The following UBR4 variants were observed in gnomAD, a reference collection of about 807,000 sequenced individuals.
UBR4 encodes the protein E3 ubiquitin-protein ligase UBR4.
Under a neutral mutation model 575.6 loss-of-function variants are expected in UBR4, and 124 were observed. That is an observed-to-expected ratio of 0.22 (90% CI 0.19 to 0.25). The LOEUF is 0.25. Among genes scored for constraint, UBR4 ranks in the 10% least tolerant of loss-of-function variants. The pLI, the probability that UBR4 is intolerant of heterozygous loss-of-function variation, is 1.00. For missense variants in UBR4, 4,818 were observed against 6,478.8 expected, an observed-to-expected ratio of 0.74 and a Z score of 8.80; for synonymous variants, 2,455 against 2,473.7, an observed-to-expected ratio of 0.99 and a Z score of 0.22.
intron 11 of UBR4, among the ~76,000 whole-genome samples, chr1:19,187,815 C>A (rs556738569): frequency 6.6e-6 from 1 of 152,232 alleles, no homozygotes; most frequent in South Asian, 2.1e-4. Context: ...TAAATCCCAA[C>A]ACTTTTGAGA....
chr1:19,084,083 G>A (rs1401987832), intron 102 of UBR4, among the ~76,000 whole-genome samples: 1 of 152,186 alleles, frequency 6.6e-6, no homozygotes, highest in African/African-American at 2.4e-5. Context: ...ACCATCACCT[G>A]TAACAATCTA....
At position 19,081,564 on chromosome 1, in the gene UBR4, T is replaced by C; in HGVS notation, c.15018A>G (p.Ala5006=). Residue 5006 remains alanine (A), a synonymous_variant, in exon 103 of 106, where the codon GCA becomes GCG. Transcript: ENST00000375254. ...GGAGGTTCTTCTCTTCTCGGGAAGT[T>C]GCTCGGGTTCTAGAAGAAAAGCGGC... ...TVLYVLNTTR[A]TSREEKNLQG... is the part of the protein sequence containing the mutation. 6.2e-7 allele frequency: 1 copy of C among 1,613,996 alleles called. No homozygotes were observed. Among genetic ancestry groups the C allele is most frequent in the Non-Finnish European group, 8.5e-7 (1 of 1,180,008 alleles).
chr1:19,186,086 A>G (rs959580826), intron 14 of UBR4, among the ~76,000 whole-genome samples: 2 of 152,202 alleles, frequency 1.3e-5, no homozygotes, highest in African/African-American at 4.8e-5. Context: ...CTCTCATCAA[A>G]CTAAGGCAGG....
intron 60 of UBR4, among the ~76,000 whole-genome samples, chr1:19,131,041 T>C (rs1022353901): frequency 3.3e-5 from 5 of 152,022 alleles, no homozygotes; most frequent in Non-Finnish European, 7.4e-5. Context: ...CCTGAGTAGC[T>C]GGTACCACTG....
chr1:19,107,507 G>T (rs1276312769), intron 81 of UBR4, among the ~76,000 whole-genome samples: 1 of 152,172 alleles, frequency 6.6e-6, no homozygotes, highest in African/African-American at 2.4e-5. Context: ...CTGGCCGGGC[G>T]CGGTGACTCA....
intron 60 of UBR4, among the ~76,000 whole-genome samples, chr1:19,130,139 C>A (rs2082263581): frequency 6.6e-6 from 1 of 151,984 alleles, no homozygotes; most frequent in African/African-American, 2.4e-5. Context: ...TTGGTTGAGC[C>A]CAGGAATTCA....
intron 70 of UBR4, among the ~76,000 whole-genome samples, chr1:19,119,323 T>A (rs919435382): frequency 1.3e-5 from 2 of 152,354 alleles, no homozygotes; most frequent in Admixed American, 1.3e-4. Context: ...AGTTCTATCT[T>A]CTTTCCCCAC....
Position 19,156,941 on chromosome 1 carries a change from G to C in UBR4, c.5761-16C>G. ...GAACGGTGATCTGCAAAGGAACAAT[G>C]ACTAATTTATTCCTACTCCTGGTCC... On this transcript the variant is annotated splice_polypyrimidine_tract_variant and intron_variant, in intron 40 of 105. Transcript: ENST00000375254. The C allele has an allele frequency of 6.2e-7, 1 of 1,610,120 alleles. No homozygotes were observed.
Position 19,134,512 on chromosome 1 carries a change from TAA to T in UBR4, c.8906+3493_8906+3494del, listed in dbSNP as rs761065775. Among the ~76,000 whole-genome samples, 6 of 152,246 alleles carry T rather than the reference TAA, an allele frequency of 3.9e-5. No individual in the cohort carries two copies. In the East Asian group the frequency reaches 5.8e-4, roughly 15 times the overall value. ...AAGTAATAATGAGCTCACTAGCAAT[TAA>T]AAAGTTACTGGCCAAAGATGTAAGC... On this transcript the variant is annotated intron_variant, in intron 60 of 105. Coordinates refer to ENST00000375254, the MANE Select transcript of UBR4 (RefSeq NM_020765.3).
intron 60 of UBR4, among the ~76,000 whole-genome samples, chr1:19,133,172 A>G (rs1034353184): frequency 5.3e-5 from 8 of 152,234 alleles, no homozygotes; most frequent in African/African-American, 1.9e-4. Context: ...TTTTAAGCCT[A>G]AACTAAAAAT....
At chr1:19,077,370 C>CG (rs879656595) in intron 104 of UBR4, among the ~76,000 whole-genome samples, 4 of 152,206 alleles carry the variant, frequency 2.6e-5, no homozygotes, top group South Asian at 4.1e-4. Context: ...AAGAGAGACC[C>CG]GGCGGGGAAG....
At chr1:19,148,736 A>C in intron 49 of UBR4, 110 bp from the exon 50 acceptor site, 1 of 1,180,218 alleles carries the variant, frequency 8.5e-7, no homozygotes, top group Non-Finnish European at 1.2e-6. Flanking sequence ...ATGAATGCCA[A>C]ATACAAAATC....
chr1:19,180,729 C>T (rs1042043249), intron 17 of UBR4, among the ~76,000 whole-genome samples: 2 of 151,972 alleles, frequency 1.3e-5, no homozygotes, highest in African/African-American at 4.8e-5. Context: ...CATTTTTCAT[C>T]TTTGTGTCAG....
At chr1:19,209,241 A>G (rs2093178053) in intron 1 of UBR4, among the ~76,000 whole-genome samples, 1 of 152,240 alleles carries the variant, frequency 6.6e-6, no homozygotes. Context: ...TAGAAAAATG[A>G]AAGTCAGTCT....
At chr1:19,099,059 C>T (rs1432659762) in intron 90 of UBR4, among the ~76,000 whole-genome samples, 2 of 152,192 alleles carry the variant, frequency 1.3e-5, no homozygotes, top group Non-Finnish European at 1.5e-5. Flanking sequence ...AACAGCATCA[C>T]TCGTGGTGGC....
intron 34 of UBR4, among the ~76,000 whole-genome samples, chr1:19,163,053 A>C (rs1571306698): frequency 6.6e-6 from 1 of 152,234 alleles, no homozygotes; most frequent in South Asian, 2.1e-4. Flanking sequence ...TACCTTCAGA[A>C]ATCAAGAGAA....
At chr1:19,140,227 T>A (rs970723194) in intron 58 of UBR4, among the ~76,000 whole-genome samples, 1 of 144,190 alleles carries the variant, frequency 6.9e-6, no homozygotes, top group African/African-American at 2.6e-5. Flanking sequence ...TTTTTTTTTT[T>A]AATCAGATTA....
chr1:19,162,596 C>A lies in UBR4; in HGVS notation c.4780G>T (p.Glu1594Ter). The change falls in exon 35 of 106, where the codon GAG becomes TAG. Residue 1594 changes from glutamate to a stop codon, truncating the protein, a stop_gained. Coordinates refer to ENST00000375254, the MANE Select transcript of UBR4 (RefSeq NM_020765.3). LOFTEE classifies it high-confidence loss of function. ...TAAGACATGATATGGCATGTGCACT[C>A]CAAGATCATCACATGCTGTAAGAGA... Reference protein sequence around the residue: ...VMHGKHVMILECTCHIMSYLA... With the variant: ...VMHGKHVMIL The A allele has an allele frequency of 6.2e-7, 1 of 1,613,094 alleles. No individual in the cohort carries two copies. The highest frequency in any genetic ancestry group is 8.5e-7 in the Non-Finnish European group (1 of 1,179,602).
At chr1:19,173,670 G>C in intron 22 of UBR4, 49 bp from the exon 23 acceptor site, 1 of 1,570,024 alleles carries the variant, frequency 6.4e-7, no homozygotes, top group South Asian at 1.1e-5. Flanking sequence ...ATGGCCTCAA[G>C]ATCTCCCTCA....
Sources: gnomAD v4.1 joint callset for allele counts (sites outside exome capture counted in the v4.1 genomes callset) on GRCh38, gnomAD v4.1.1 for gene constraint, MANE v1.5 for transcripts, NCBI Gene and HGNC (gene_info 2026-07-23, HGNC 2026-07-21) for gene names.